Variants in RYR2 observed in about 807,000 individuals in gnomAD.
The protein encoded by RYR2 is cardiac muscle ryanodine receptor-calcium release channel.
RYR2 carries 227 observed loss-of-function variants against 601.1 expected under a neutral mutation model. The observed-to-expected ratio is 0.38, with a 90% CI of 0.34 to 0.42. The LOEUF is 0.42. Ranked by LOEUF, RYR2 falls within the 10% of genes least tolerant of loss-of-function variation. The pLI is 1.00. For missense variants in RYR2, 4,646 were observed against 6,156.5 expected (o/e 0.75, Z 8.21); for synonymous variants, 2,223 against 2,175.1 (o/e 1.02, Z -0.61).
At chr1:237,168,720 A>G (rs1206483341) in intron 1 of RYR2, among the ~76,000 whole-genome samples, 2 of 152,098 alleles carry the variant, frequency 1.3e-5, no homozygotes, top group Non-Finnish European at 1.5e-5. Flanking sequence ...GTGTGCCGGC[A>G]TAAAGAACAG....
chr1:237,798,285 T>TA (rs1659516313), intron 97 of RYR2, 115 bp downstream of exon 97: 4 of 926,294 alleles, frequency 4.3e-6, no homozygotes, highest in Non-Finnish European at 4.7e-6. Context: ...AATAGATAGA[T>TA]GAGGAAAACA....
At chr1:237,355,610 T>G (rs537218589) in intron 3 of RYR2, among the ~76,000 whole-genome samples, 83 of 152,226 alleles carry the variant, frequency 5.5e-4, no homozygotes, top group Admixed American at 4.9e-3. Flanking sequence ...TAAATCAGTT[T>G]TTATAATTAG....
intron 60 of RYR2, among the ~76,000 whole-genome samples, chr1:237,675,939 T>C (rs1349961964): frequency 2.0e-5 from 3 of 152,188 alleles, no homozygotes; most frequent in Non-Finnish European, 2.9e-5. Context: ...CAAGCTAATT[T>C]ATAATCTGTA....
At chr1:237,349,194 T>C (rs953168698) in intron 3 of RYR2, among the ~76,000 whole-genome samples, 1 of 151,936 alleles carries the variant, frequency 6.6e-6, no homozygotes, top group African/African-American at 2.4e-5. Context: ...AAATAAAAAA[T>C]CTTAAAAGTA....
At chr1:237,397,177 G>A (rs1232000052) in intron 10 of RYR2, among the ~76,000 whole-genome samples, 1 of 151,902 alleles carries the variant, frequency 6.6e-6, no homozygotes. Context: ...GGTGGAGATT[G>A]CAGTGAGCTG....
chr1:237,239,395 T>G (rs1685918032), intron 1 of RYR2, among the ~76,000 whole-genome samples: 1 of 152,144 alleles, frequency 6.6e-6, no homozygotes, highest in Non-Finnish European at 1.5e-5. Flanking sequence ...CACGGGGTTT[T>G]ATAGAGTAGC....
At chr1:237,091,058 GT>G (rs1666898213) in intron 1 of RYR2, among the ~76,000 whole-genome samples, 1 of 152,188 alleles carries the variant, frequency 6.6e-6, no homozygotes, top group Non-Finnish European at 1.5e-5. Flanking sequence ...TAAGAGCTTG[GT>G]TTGGTGAAGG....
intron 10 of RYR2, among the ~76,000 whole-genome samples, chr1:237,409,494 C>A (rs1704232254): frequency 6.6e-6 from 1 of 151,966 alleles, no homozygotes; most frequent in South Asian, 2.1e-4. Flanking sequence ...CTTATGTATA[C>A]AAAAGGAGAA....
At chr1:237,667,829 GC>G in intron 57 of RYR2, 53 bp from the exon 58 acceptor site, 2 of 1,299,238 alleles carry the variant, frequency 1.5e-6, no homozygotes, top group Non-Finnish European at 2.1e-6. Context: ...ATATTAGAAA[GC>G]AATATTATCC....
At chr1:237,786,220 T>C (rs1657544515) in intron 91 of RYR2, among the ~76,000 whole-genome samples, 184 bp downstream of exon 91, 1 of 152,176 alleles carries the variant, frequency 6.6e-6, no homozygotes, top group African/African-American at 2.4e-5. Flanking sequence ...CAGGGATCAC[T>C]GTAGACGCCC....
chr1:237,545,758 A>AT (rs1435536110), intron 25 of RYR2, among the ~76,000 whole-genome samples: 5 of 151,892 alleles, frequency 3.3e-5, no homozygotes, highest in Non-Finnish European at 7.4e-5. Flanking sequence ...AAAAATAAAA[A>AT]AAAAAAAAAA....
rs183394643 is a variant in RYR2 at position 237,778,209 on chromosome 1, T to C, written c.11776-457T>C. 5.7e-4 allele frequency among the ~76,000 whole-genome samples: 86 copies of C among 152,128 alleles called. 2 individuals are homozygous for C. In the East Asian group the frequency reaches 0.016, roughly 28 times the overall value. On this transcript the variant is annotated intron_variant, in intron 87 of 104. Transcript: ENST00000366574. ...TCAATTAAGAAAACGTTGAAGAGGA[T>C]TTTTTTTCTCTATATGAATGCTTTA...
At chr1:237,476,338 C>T (rs188423239) in intron 17 of RYR2, among the ~76,000 whole-genome samples, 5 of 151,802 alleles carry the variant, frequency 3.3e-5, no homozygotes, top group South Asian at 2.1e-4. Context: ...AGTGAAACCC[C>T]GACTCTACTA....
intron 1 of RYR2, among the ~76,000 whole-genome samples, chr1:237,240,348 T>A (rs1458008154): frequency 6.6e-6 from 1 of 152,282 alleles, no homozygotes; most frequent in Non-Finnish European, 1.5e-5. Context: ...AATATAATTC[T>A]CATTGTGACC....
In RYR2 at chr1:237,506,826, T is replaced by G. The variant is rs747609250; in HGVS notation, c.2718+12T>G. ...GGCAGTATGGTCCGGTATGTAATTT[T>G]GAAATTTATTTTCAGATTCTGTGAA... On this transcript the variant is annotated intron_variant, in intron 23 of 104. Transcript: ENST00000366574. The G allele has an allele frequency of 6.2e-7, 1 of 1,604,496 alleles. No individual in the cohort carries two copies. The highest frequency in any genetic ancestry group is 1.1e-5 in the South Asian group (1 of 90,630).
intron 6 of RYR2, 21 bp from the exon 7 acceptor site, chr1:237,374,696 T>G (rs367585542): frequency 6.8e-5 from 108 of 1,595,152 alleles, no homozygotes; most frequent in Non-Finnish European, 9.0e-5. Context: ...TACTTACAAC[T>G]ACTGATTTTG....
intron 23 of RYR2, among the ~76,000 whole-genome samples, chr1:237,508,122 C>G (rs945497175): frequency 6.6e-6 from 1 of 152,044 alleles, no homozygotes; most frequent in African/African-American, 2.4e-5. Context: ...CACCACCACA[C>G]GTGGCTAATT....
At chr1:237,217,534 G>A (rs1299959182) in intron 1 of RYR2, among the ~76,000 whole-genome samples, 1 of 152,072 alleles carries the variant, frequency 6.6e-6, no homozygotes, top group Non-Finnish European at 1.5e-5. Flanking sequence ...CTGTGCCTTC[G>A]TTTCCTTCTC....
intron 13 of RYR2, among the ~76,000 whole-genome samples, chr1:237,442,246 T>G (rs1270095686): frequency 6.6e-6 from 1 of 152,248 alleles, no homozygotes; most frequent in East Asian, 1.9e-4. Context: ...AAGCAAATTT[T>G]TCTTTTGATA....
Sources: gnomAD v4.1 joint callset for allele counts (sites outside exome capture counted in the v4.1 genomes callset) on GRCh38, gnomAD v4.1.1 for gene constraint, MANE v1.5 for transcripts, NCBI Gene and HGNC (gene_info 2026-07-23, HGNC 2026-07-21) for gene names.